MAB21L3: variants seen among roughly 807,000 people sequenced by gnomAD.
MAB21L3 encodes the protein mab-21 like 3.
MAB21L3 carries 36 observed loss-of-function variants against 37.7 expected under a neutral mutation model. That is an observed-to-expected ratio of 0.96 (90% CI 0.73 to 1.26). The LOEUF (loss-of-function observed/expected upper bound fraction) is 1.26, where lower values mean the gene tolerates loss of function less well. MAB21L3 is among the 50% of genes most tolerant of loss of function. The pLI is 0.00. For synonymous variants in MAB21L3, 186 were observed against 176.8 expected, an observed-to-expected ratio of 1.05 and a Z score of -0.41; for missense variants, 430 against 447.3, an observed-to-expected ratio of 0.96 and a Z score of 0.35.
Position 116,133,659 on chromosome 1 carries a change from T to C in MAB21L3, c.*294T>C, listed in dbSNP as rs564453840. Reference sequence around the variant, plus strand: ...GAACTGGTGACAGTTCTGAACTTAGTTTCCCTTGTTCAGGCTGTGATCGTC... The same window carrying C: ...GAACTGGTGACAGTTCTGAACTTAGCTTCCCTTGTTCAGGCTGTGATCGTC... On this transcript the variant is annotated 3_prime_UTR_variant, in exon 8 of 8. Coordinates refer to ENST00000369500, the MANE Select transcript of MAB21L3 (RefSeq NM_152367.3). 1.5e-5 allele frequency: 7 copies of C among 477,216 alleles called. No homozygotes were observed. Among genetic ancestry groups the C allele is most frequent in the African/African-American group, 1.2e-4 (6 of 51,444 alleles). 29.6% of individuals were successfully genotyped at this position (477,216 alleles called of 1,614,324 possible).
chr1:116,123,463 C>A (rs927972687), intron 4 of MAB21L3, among the ~76,000 whole-genome samples: 1 of 152,166 alleles, frequency 6.6e-6, no homozygotes, highest in Admixed American at 6.5e-5. Flanking sequence ...TTACTTCCCA[C>A]CTTTAATTTG....
chr1:116,124,495 C>G (rs1659840848), intron 5 of MAB21L3, 138 bp downstream of exon 5: 2 of 803,862 alleles, frequency 2.5e-6, no homozygotes, highest in Non-Finnish European at 3.8e-6. Flanking sequence ...TTTATTTAAT[C>G]TTCATAATAT....
rs986481440 is a variant in MAB21L3 at position 116,112,438 on chromosome 1, A to C, written c.-178A>C. On this transcript the variant is annotated 5_prime_UTR_variant, in exon 3 of 8. Transcript: ENST00000369500. Reference sequence around the variant, plus strand: ...GATGGATTTTCACAATTTGGAAATAAAAACATGAGTGAAGGGTTCGGAAGG... The same window carrying C: ...GATGGATTTTCACAATTTGGAAATACAAACATGAGTGAAGGGTTCGGAAGG... 19 of 476,788 alleles carry C rather than the reference A, an allele frequency of 4.0e-5. No homozygotes were observed. The East Asian group carries it at 4.7e-4, about 12-fold the overall frequency. The allele number at this position is 476,788 out of a possible 1,614,324, so 29.5% of individuals were successfully genotyped here.
rs887114535 is a variant in MAB21L3 at position 116,136,326 on chromosome 1, C to T, written c.*2961C>T. On this transcript the variant is annotated 3_prime_UTR_variant, in exon 8 of 8. Transcript: ENST00000369500. ...TACAAAAATCACAAGCATTCTTATACACCAATAACAGACAGAGAGCCAAAT... is the reference window on the plus strand; with the variant it reads ...TACAAAAATCACAAGCATTCTTATATACCAATAACAGACAGAGAGCCAAAT... 0.03 allele frequency among the ~76,000 whole-genome samples: 4,507 copies of T among 152,212 alleles called. 220 individuals carry two copies. The highest frequency in any genetic ancestry group is 0.1 in the African/African-American group (4,292 of 41,494).
chr1:116,129,595 T>C (rs1387984917), intron 7 of MAB21L3, among the ~76,000 whole-genome samples: 1 of 152,216 alleles, frequency 6.6e-6, no homozygotes, highest in Non-Finnish European at 1.5e-5. Context: ...TGCTCTAAAG[T>C]AACTTATTGA....
intron 5 of MAB21L3, among the ~76,000 whole-genome samples, chr1:116,124,813 A>G (rs1361778120): frequency 1.3e-5 from 2 of 152,044 alleles, no homozygotes; most frequent in African/African-American, 4.8e-5. Flanking sequence ...CAGGAGCCAT[A>G]AAGAACTGAC....
rs1162869389 is a variant in MAB21L3 at position 116,112,623 on chromosome 1, A to G, written c.8A>G (p.Tyr3Cys). The G allele has an allele frequency of 3.7e-6, 6 of 1,613,692 alleles. No individual in the cohort carries two copies. The highest frequency in any genetic ancestry group is 5.1e-6 in the Non-Finnish European group (6 of 1,179,966). Residue 3 changes from tyrosine (Y) to cysteine (C), a missense_variant, in exon 3 of 8, where the codon TAC becomes TGC. Physicochemically the swap from Tyr to Cys is radical, Grantham distance 194. Transcript: ENST00000369500. Reference protein sequence around the residue: MKYLTVGDLEDCL... With the variant: MKCLTVGDLEDCL... ...AGGACTGACCAAGAAGCCATGAAAT[A>G]CCTTACTGTGGGAGACTTAGAAGAT...
intron 3 of MAB21L3, among the ~76,000 whole-genome samples, chr1:116,118,529 C>T (rs1454353196): frequency 1.3e-5 from 2 of 152,218 alleles, no homozygotes; most frequent in Non-Finnish European, 2.9e-5. Flanking sequence ...CCTATTCTAG[C>T]TGTCAGACTC....
intron 5 of MAB21L3, among the ~76,000 whole-genome samples, 174 bp from the exon 6 acceptor site, chr1:116,127,291 CA>C (rs754633713): frequency 2.0e-5 from 3 of 152,172 alleles, no homozygotes; most frequent in Non-Finnish European, 2.9e-5. Flanking sequence ...GTTTTGATGT[CA>C]AAACCTTGAC....
At chr1:116,127,904 T>C (rs939084163) in intron 6 of MAB21L3, among the ~76,000 whole-genome samples, 4 of 152,088 alleles carry the variant, frequency 2.6e-5, no homozygotes, top group Admixed American at 6.5e-5. Context: ...CTCTGGGTGA[T>C]GTGATTCTGA....
In MAB21L3 at chr1:116,128,212, A is replaced by T; in HGVS notation, c.728A>T (p.Gln243Leu). 6.2e-7 allele frequency: 1 copy of T among 1,614,152 alleles called. No individual in the cohort carries two copies. Among genetic ancestry groups the T allele is most frequent in the Non-Finnish European group, 8.5e-7 (1 of 1,180,018 alleles). Residue 243 changes from glutamine (Q) to leucine (L), a missense_variant, in exon 7 of 8, where the codon CAG (glutamine) becomes CTG (leucine). Coordinates refer to ENST00000369500, the MANE Select transcript of MAB21L3 (RefSeq NM_152367.3). ...CAGCTGAGCTTCCTCCGTGCTGAGCAGGTGTTACTGGAACAGCTGGATGAA... is the reference window on the plus strand; with the variant it reads ...CAGCTGAGCTTCCTCCGTGCTGAGCTGGTGTTACTGGAACAGCTGGATGAA... ...HWQLSFLRAE[Q>L]VLLEQLDEDG...
At position 116,134,306 on chromosome 1, in the gene MAB21L3, C is replaced by T. The variant is rs1214921185; in HGVS notation, c.*941C>T. On this transcript the variant is annotated 3_prime_UTR_variant, in exon 8 of 8. Coordinates refer to ENST00000369500, the MANE Select transcript of MAB21L3 (RefSeq NM_152367.3). Reference sequence around the variant, plus strand: ...CACTCACTCATTGACAAATAATGCTCATTAGGCACCGGGAACACAGCAAAG... The same window carrying T: ...CACTCACTCATTGACAAATAATGCTTATTAGGCACCGGGAACACAGCAAAG... 1 of 152,232 alleles carries T rather than the reference C, an allele frequency of 6.6e-6. No homozygotes were observed. Among genetic ancestry groups the T allele is most frequent in the African/African-American group, 2.4e-5 (1 of 41,434 alleles). The allele number at this position is 152,232 out of a possible 1,614,324, so 9.4% of individuals were successfully genotyped here.
chr1:116,126,196 C>T (rs1444210308), intron 5 of MAB21L3, among the ~76,000 whole-genome samples: 1 of 152,046 alleles, frequency 6.6e-6, no homozygotes, highest in Non-Finnish European at 1.5e-5. Context: ...TTGGGATGAG[C>T]AAATAAGGAT....
intron 3 of MAB21L3, among the ~76,000 whole-genome samples, chr1:116,118,682 A>C (rs1234170941): frequency 6.6e-6 from 1 of 152,120 alleles, no homozygotes; most frequent in Non-Finnish European, 1.5e-5. Context: ...TAAAAATATC[A>C]CAGGAACAAT....
chr1:116,131,042 A>G (rs913037121), intron 7 of MAB21L3, among the ~76,000 whole-genome samples: 6 of 152,214 alleles, frequency 3.9e-5, no homozygotes, highest in Non-Finnish European at 8.8e-5. Flanking sequence ...TAATTCACTT[A>G]TTCAATAAAT....
chr1:116,120,867 C>A, intron 3 of MAB21L3, 65 bp from the exon 4 acceptor site: 1 of 1,594,188 alleles, frequency 6.3e-7, no homozygotes. Context: ...TCCTCACTCT[C>A]TTATGCTGGT....
At chr1:116,116,710 G>A (rs948543187) in intron 3 of MAB21L3, among the ~76,000 whole-genome samples, 3 of 152,152 alleles carry the variant, frequency 2.0e-5, no homozygotes, top group African/African-American at 7.2e-5. Flanking sequence ...CACACCAGAC[G>A]AGGCAATTTC....
At chr1:116,129,120 TGGGTCA>T (rs1659993555) in intron 7 of MAB21L3, among the ~76,000 whole-genome samples, 1 of 152,188 alleles carries the variant, frequency 6.6e-6, no homozygotes, top group South Asian at 2.1e-4. Context: ...GAGATAGACA[TGGGTCA>T]GGCAAGCCAG....
chr1:116,137,736 A>C lies in MAB21L3; in HGVS notation c.*4371A>C, dbSNP rs1444313288. On this transcript the variant is annotated 3_prime_UTR_variant, in exon 8 of 8. Transcript: ENST00000369500. ...TTGGAACCAACCCAAATATCCAACA[A>C]TGATAGAGTGGATTAAGAAAATGTG... Among the ~76,000 whole-genome samples, 1 of 152,162 alleles carries C rather than the reference A, an allele frequency of 6.6e-6. No individual in the cohort carries two copies. The highest frequency in any genetic ancestry group is 2.4e-5 in the African/African-American group (1 of 41,424).
Sources: gnomAD v4.1 joint callset for allele counts (sites outside exome capture counted in the v4.1 genomes callset) on GRCh38, gnomAD v4.1.1 for gene constraint, MANE v1.5 for transcripts, NCBI Gene and HGNC (gene_info 2026-07-23, HGNC 2026-07-21) for gene names.